Variants in IQCK observed in about 807,000 individuals in gnomAD.
IQCK encodes the protein IQ domain-containing protein K.
A neutral mutation model predicts 28.1 loss-of-function variants in IQCK; 29 were observed. The ratio of observed to expected loss-of-function variants is 1.03; its 90% CI spans 0.77 to 1.41. The LOEUF (loss-of-function observed/expected upper bound fraction) is 1.41. Among genes scored for constraint, IQCK ranks in the 40% most tolerant of loss-of-function variants. IQCK has a pLI of 0.00. For synonymous variants in IQCK, 113 were observed against 115.1 expected (o/e 0.98, Z 0.12); for missense variants, 359 against 314.7 (o/e 1.14, Z -1.07).
chr16:19,834,036 G>A (rs1430313397), intron 9 of IQCK, among the ~76,000 whole-genome samples: 2 of 152,126 alleles, frequency 1.3e-5, no homozygotes, highest in East Asian at 1.9e-4. Context: ...TGCACTGAGC[G>A]GTGACTGCAC....
At chr16:19,782,727 T>G (rs2055504920) in intron 6 of IQCK, among the ~76,000 whole-genome samples, 1 of 152,218 alleles carries the variant, frequency 6.6e-6, no homozygotes, top group Non-Finnish European at 1.5e-5. Context: ...TTTATTCTGA[T>G]TAAATGTGTT....
At chr16:19,765,101 A>T (rs555403653) in intron 6 of IQCK, among the ~76,000 whole-genome samples, 2 of 147,400 alleles carry the variant, frequency 1.4e-5, no homozygotes, top group African/African-American at 4.9e-5. Flanking sequence ...GGGCGCCTGT[A>T]GTCCCAGCAA....
intron 1 of IQCK, among the ~76,000 whole-genome samples, chr16:19,727,566 G>A (rs567881233): frequency 5.4e-5 from 8 of 147,324 alleles, no homozygotes; most frequent in Non-Finnish European, 7.4e-5. Context: ...CAGCCTGGGC[G>A]ACAGAGCGAG....
chr16:19,784,896 G>A (rs1214235094), intron 6 of IQCK, among the ~76,000 whole-genome samples: 2 of 152,128 alleles, frequency 1.3e-5, no homozygotes, highest in African/African-American at 4.8e-5. Context: ...ACCCTCCCAA[G>A]TAGCTGGGAT....
chr16:19,726,104 C>G lies in IQCK; in HGVS notation c.182-4326C>G, dbSNP rs190634071. Among the ~76,000 whole-genome samples, 45 of 151,972 alleles carry G rather than the reference C, an allele frequency of 3.0e-4. No homozygotes were observed. In the East Asian group the frequency reaches 7.7e-3, roughly 26 times the overall value. ...CTAAGTTTTGTATTTTTAGTAGAGA[C>G]GGGGTTTCATCGTGTTAGCCACGAT... On this transcript the variant is annotated intron_variant, in intron 1 of 7. Coordinates refer to ENST00000564186, the Ensembl canonical transcript of IQCK.
intron 6 of IQCK, among the ~76,000 whole-genome samples, chr16:19,781,781 G>C (rs1219635928): frequency 6.6e-6 from 1 of 152,164 alleles, no homozygotes; most frequent in Non-Finnish European, 1.5e-5. Flanking sequence ...TTGAGGTCAG[G>C]AGTTTGAGAC....
intron 4 of IQCK, among the ~76,000 whole-genome samples, chr16:19,751,848 T>C (rs1158214855): frequency 6.6e-6 from 1 of 152,154 alleles, no homozygotes; most frequent in African/African-American, 2.4e-5. Context: ...CTTCTCCTTA[T>C]TGAATCTGCA....
chr16:19,809,469 C>T (rs2055874966), intron 7 of IQCK, among the ~76,000 whole-genome samples: 1 of 152,198 alleles, frequency 6.6e-6, no homozygotes. Flanking sequence ...CTCCATGTGG[C>T]TTCTCATCCT....
intron 4 of IQCK, among the ~76,000 whole-genome samples, chr16:19,752,507 G>A (rs1006161653): frequency 3.3e-5 from 5 of 152,138 alleles, no homozygotes; most frequent in African/African-American, 1.2e-4. Flanking sequence ...CCTGAACATG[G>A]CAGAAAACCC....
intron 1 of IQCK, among the ~76,000 whole-genome samples, chr16:19,719,007 C>T (rs1021942753): frequency 1.3e-5 from 2 of 152,226 alleles, no homozygotes; most frequent in Admixed American, 6.5e-5. Flanking sequence ...TTCAAACCTT[C>T]CTTAACCTCC....
At chr16:19,767,556 A>G (rs544274381) in intron 6 of IQCK, among the ~76,000 whole-genome samples, 126 of 152,030 alleles carry the variant, frequency 8.3e-4, no homozygotes, top group African/African-American at 3.0e-3. Flanking sequence ...GCTCCTCTCA[A>G]CATCCTCTCC....
intron 6 of IQCK, among the ~76,000 whole-genome samples, chr16:19,776,174 C>T (rs915598388): frequency 2.4e-4 from 36 of 152,140 alleles, no homozygotes; most frequent in Admixed American, 2.4e-3. Context: ...AGCCACTGCA[C>T]CTGGCCCACA....
intron 3 of IQCK, chr16:19,734,053 A>G: frequency 2.2e-6 from 1 of 452,866 alleles, no homozygotes; most frequent in Non-Finnish European, 3.9e-6. Context: ...TTGATTTTAC[A>G]TTAAATAAAA....
At chr16:19,846,345 G>T (rs1225930693) in intron 9 of IQCK, among the ~76,000 whole-genome samples, 1 of 152,042 alleles carries the variant, frequency 6.6e-6, no homozygotes, top group Admixed American at 6.6e-5. Flanking sequence ...GGTTTGATTT[G>T]GTGGCTTCCT....
chr16:19,728,440 G>A (rs1043450022), intron 1 of IQCK, among the ~76,000 whole-genome samples: 3 of 152,038 alleles, frequency 2.0e-5, no homozygotes, highest in Admixed American at 2.0e-4. Flanking sequence ...AGTAGAGATG[G>A]GGTTTCACCA....
At position 19,839,324 on chromosome 16, in the gene IQCK, C is replaced by T. The variant is rs551992060; in HGVS notation, c.802+12187C>T. On this transcript the variant is annotated intron_variant, in intron 9 of 9. Transcript: ENST00000320394. ...TACAGGCGCACGCCATCACACCCTG[C>T]TAATTTTTGTATTTTTAATAGCAAT... Among the ~76,000 whole-genome samples the T allele has an allele frequency of 4.6e-5, 7 of 151,850 alleles. No homozygotes were observed. The East Asian group carries it at 1.4e-3, about 30-fold the overall frequency.
At chr16:19,744,017 C>T (rs2054872510) in intron 4 of IQCK, among the ~76,000 whole-genome samples, 1 of 152,168 alleles carries the variant, frequency 6.6e-6, no homozygotes, top group East Asian at 1.9e-4. Flanking sequence ...GGTGTGTCTG[C>T]ACACATGAAT....
intron 4 of IQCK, among the ~76,000 whole-genome samples, chr16:19,743,315 G>A (rs556753198): frequency 6.6e-6 from 1 of 152,328 alleles, no homozygotes; most frequent in East Asian, 1.9e-4. Flanking sequence ...TACCTGCAGT[G>A]ACTGGATCTA....
downstream of IQCK, among the ~76,000 whole-genome samples, chr16:19,828,645 G>A (rs1412621216): frequency 6.6e-6 from 1 of 150,852 alleles, no homozygotes; most frequent in Non-Finnish European, 1.5e-5. Context: ...GGGGGCCTGA[G>A]GCGGGTGGAT....
Sources: gnomAD v4.1 joint callset for allele counts (sites outside exome capture counted in the v4.1 genomes callset) on GRCh38, gnomAD v4.1.1 for gene constraint, MANE v1.5 for transcripts, NCBI Gene and HGNC (gene_info 2026-07-23, HGNC 2026-07-21) for gene names.